Variants in SLC25A25 observed in about 807,000 individuals in gnomAD.
The protein encoded by SLC25A25 is solute carrier family 25 member 25.
SLC25A25 carries 32 observed loss-of-function variants against 57.7 expected under a neutral mutation model. The ratio of observed to expected loss-of-function variants is 0.55; its 90% CI spans 0.42 to 0.74. The LOEUF (loss-of-function observed/expected upper bound fraction) is 0.74. Among genes scored for constraint, SLC25A25 ranks in the 30% least tolerant of loss-of-function variants. The pLI, the probability that SLC25A25 is intolerant of heterozygous loss-of-function variation, is 0.00. For missense variants in SLC25A25, 556 were observed against 701.3 expected (o/e 0.79, Z 2.34); for synonymous variants, 306 against 291.2 (o/e 1.05, Z -0.52).
chr9:128,088,889 T>C (rs1564184002), intron 1 of SLC25A25, among the ~76,000 whole-genome samples: 1 of 152,158 alleles, frequency 6.6e-6, no homozygotes, highest in African/African-American at 2.4e-5. Context: ...GGCCAGACTT[T>C]CTGTGCCTAA....
In SLC25A25 at chr9:128,099,388, G is replaced by T; in HGVS notation, c.262-1708G>T. 8.4e-7 allele frequency: 1 copy of T among 1,189,126 alleles called. No individual in the cohort carries two copies. Among genetic ancestry groups the T allele is most frequent in the Non-Finnish European group, 1.1e-6 (1 of 940,228 alleles). 73.7% of individuals were successfully genotyped at this position (1,189,126 alleles called of 1,614,324 possible). A position where few individuals can be genotyped will look rare whatever the true frequency, so the allele number is the denominator to read the frequency against. ...AGAATGCGTTGAAGCCAGCTGCGGT[G>T]AGCACACCCTCTGCTCTGGGTGTCT... On this transcript the variant is annotated intron_variant, in intron 1 of 10. Coordinates refer to ENST00000373069, the MANE Select transcript of SLC25A25 (RefSeq NM_001330988.2). The surrounding 1 kb of genome is among the most constrained non-coding windows in gnomAD (Gnocchi z 6.8).
chr9:128,105,314 G>GCA (rs1458898553), intron 6 of SLC25A25, among the ~76,000 whole-genome samples: 1 of 151,826 alleles, frequency 6.6e-6, no homozygotes, highest in African/African-American at 2.4e-5. Context: ...GGGATTACTG[G>GCA]TGCCTGCCAC....
chr9:128,083,316 A>G (rs1268502809), intron 1 of SLC25A25, among the ~76,000 whole-genome samples: 1 of 150,818 alleles, frequency 6.6e-6, no homozygotes, highest in Non-Finnish European at 1.5e-5. Flanking sequence ...AGCTGCATAT[A>G]TGACTCATTT....
intron 1 of SLC25A25, chr9:128,098,641 G>A (rs370177594): frequency 6.2e-6 from 10 of 1,614,116 alleles, no homozygotes; most frequent in Non-Finnish European, 8.5e-6. Context: ...AGTCGAAGGG[G>A]CTCCCTGCCG....
chr9:128,096,268 G>A (rs1360150209), intron 1 of SLC25A25, among the ~76,000 whole-genome samples: 2 of 152,180 alleles, frequency 1.3e-5, no homozygotes, highest in Non-Finnish European at 2.9e-5. Context: ...TAGCACTTTG[G>A]GAGGCCAAGG....
rs78595460 is a variant in SLC25A25, at chr9:128,099,407, G to A, written c.262-1689G>A. On this transcript the variant is annotated intron_variant, in intron 1 of 10. Transcript: ENST00000373069. This position sits in a 1 kb window ranked among gnomAD's most constrained non-coding sequence, Gnocchi z 6.8. ...TGCGGTGAGCACACCCTCTGCTCTG[G>A]GTGTCTGCGACAGCACCCACCCCAG... 4.3e-6 allele frequency: 5 copies of A among 1,152,826 alleles called. No individual in the cohort carries two copies. The highest frequency in any genetic ancestry group is 3.2e-5 in the South Asian group (2 of 62,756). 71.4% of individuals were successfully genotyped at this position (1,152,826 alleles called of 1,614,324 possible). A position where few individuals can be genotyped will look rare whatever the true frequency, so the allele number is the denominator to read the frequency against.
intron 6 of SLC25A25, among the ~76,000 whole-genome samples, chr9:128,105,510 G>A (rs1159581991): frequency 2.6e-5 from 4 of 152,150 alleles, no homozygotes; most frequent in Admixed American, 2.6e-4. Flanking sequence ...AGATGTTCAG[G>A]ACAAGGCTGG....
intron 1 of SLC25A25, among the ~76,000 whole-genome samples, chr9:128,078,127 T>C (rs1218793764): frequency 6.6e-6 from 1 of 152,062 alleles, no homozygotes. Context: ...ACTCACCCTC[T>C]CCAAGTCTGT....
rs1834077294 is a variant in SLC25A25, at chr9:128,107,142, C to T, written c.1326C>T (p.Tyr442=). Residue 442 remains tyrosine (Y), a synonymous_variant, in exon 10 of 11, where the codon TAC becomes TAT. Coordinates refer to ENST00000373069, the MANE Select transcript of SLC25A25 (RefSeq NM_001330988.2). Reference sequence around the variant, plus strand: ...GTACCTGTGGCCAGCTGGCCAGCTACCCCCTGGCCCTAGTCAGGACCCGGA... The same window carrying T: ...GTACCTGTGGCCAGCTGGCCAGCTATCCCCTGGCCCTAGTCAGGACCCGGA... The part of the protein sequence containing the change: ...MSSTCGQLAS[Y]PLALVRTRMQ... The T allele has an allele frequency of 6.2e-6, 10 of 1,613,966 alleles. 1 individual carries two copies. Among genetic ancestry groups the T allele is most frequent in the Non-Finnish European group, 7.6e-6 (9 of 1,180,036 alleles).
intron 6 of SLC25A25, among the ~76,000 whole-genome samples, chr9:128,104,357 C>T (rs1455981572): frequency 6.6e-6 from 1 of 152,222 alleles, no homozygotes; most frequent in African/African-American, 2.4e-5. Flanking sequence ...TTGCCCGTAC[C>T]TAGTACTTCT....
In SLC25A25 at chr9:128,102,355, G is replaced by C; in HGVS notation, c.513-15G>C. 1 of 1,607,552 alleles carries C rather than the reference G, an allele frequency of 6.2e-7. No individual in the cohort carries two copies. Among genetic ancestry groups the C allele is most frequent in the Non-Finnish European group, 8.5e-7 (1 of 1,174,232 alleles). ...GGCATGTGGGCACGTGGGCAGCCTC[G>C]CCTCTGTCTTGCAGCATGGATAAAA... On this transcript the variant is annotated splice_polypyrimidine_tract_variant and intron_variant, in intron 4 of 10. Coordinates refer to ENST00000373069, the MANE Select transcript of SLC25A25 (RefSeq NM_001330988.2). The surrounding 1 kb of genome is among the most constrained non-coding windows in gnomAD (Gnocchi z 4.1).
intron 1 of SLC25A25, among the ~76,000 whole-genome samples, chr9:128,078,415 C>T (rs1358807430): frequency 3.9e-5 from 6 of 152,168 alleles, no homozygotes; most frequent in African/African-American, 1.4e-4. Context: ...CATAGCCCCA[C>T]CCCAGCAACC....
At chr9:128,069,918 A>ATTTTTT (rs758820179) in intron 1 of SLC25A25, among the ~76,000 whole-genome samples, 1 of 103,058 alleles carries the variant, frequency 9.7e-6, no homozygotes, top group Non-Finnish European at 1.9e-5. Context: ...CACCCAGCTA[A>ATTTTTT]TTTTTTTTTT....
chr9:128,091,425 A>G, intron 1 of SLC25A25: 1 of 985,700 alleles, frequency 1.0e-6, no homozygotes, highest in Non-Finnish European at 1.2e-6. Flanking sequence ...TGCAGTGAGA[A>G]TGCAGACTGG....
chr9:128,080,481 C>CTTTT (rs11445322), intron 1 of SLC25A25, among the ~76,000 whole-genome samples: 7 of 141,832 alleles, frequency 4.9e-5, no homozygotes, highest in African/African-American at 1.3e-4. Flanking sequence ...CCTTGTTGGG[C>CTTTT]TTTTTTTTTT....
Position 128,108,391 on chromosome 9 carries a change from G to C in SLC25A25, c.*947G>C, listed in dbSNP as rs775457386. On this transcript the variant is annotated 3_prime_UTR_variant, in exon 11 of 11. Transcript: ENST00000373069. ...CTTCTGTGCTTCCAGAGGAAGACGA[G>C]GGAGCAGGAGCTTGGCTGACTGCTC... 3 of 397,514 alleles carry C rather than the reference G, an allele frequency of 7.5e-6. No individual in the cohort carries two copies. Among genetic ancestry groups the C allele is most frequent in the African/African-American group, 2.1e-5 (1 of 48,626 alleles). 24.6% of individuals were successfully genotyped at this position (397,514 alleles called of 1,614,324 possible).
At chr9:128,105,066 C>T (rs1314155315) in intron 6 of SLC25A25, among the ~76,000 whole-genome samples, 1 of 149,850 alleles carries the variant, frequency 6.7e-6, no homozygotes, top group East Asian at 2.0e-4. Flanking sequence ...ATCATGTTGG[C>T]CAGGCTGGTC....
intron 1 of SLC25A25, among the ~76,000 whole-genome samples, chr9:128,083,460 C>A (rs1468250559): frequency 6.6e-6 from 1 of 151,254 alleles, no homozygotes; most frequent in Admixed American, 6.6e-5. Flanking sequence ...AGTGTTACTA[C>A]TCTTCCCTCT....
At chr9:128,083,692 G>C (rs1475935176) in intron 1 of SLC25A25, among the ~76,000 whole-genome samples, 1 of 58,018 alleles carries the variant, frequency 1.7e-5, no homozygotes, top group African/African-American at 4.7e-5. Flanking sequence ...TTTTTTTTTT[G>C]TATTTTTAGT....
Sources: gnomAD v4.1 joint callset for allele counts (sites outside exome capture counted in the v4.1 genomes callset) on GRCh38, gnomAD v4.1.1 for gene constraint, Gnocchi (gnomAD v3.1) non-coding constraint, MANE v1.5 for transcripts, NCBI Gene and HGNC (gene_info 2026-07-23, HGNC 2026-07-21) for gene names.